CDH12: variants seen among roughly 807,000 people sequenced by gnomAD.
CDH12 encodes cadherin-12.
CDH12 carries 41 observed loss-of-function variants against 74.1 expected under a neutral mutation model. The ratio of observed to expected loss-of-function variants is 0.55; its 90% CI spans 0.43 to 0.72. The LOEUF (loss-of-function observed/expected upper bound fraction) is 0.72, where lower values mean the gene tolerates loss of function less well. Among genes scored for constraint, CDH12 ranks in the 30% least tolerant of loss-of-function variants. CDH12 has a pLI of 0.00. For synonymous variants in CDH12, 399 were observed against 355.0 expected (o/e 1.12, Z -1.39); for missense variants, 945 against 977.2 (o/e 0.97, Z 0.44).
chr5:22,505,584 T>C (rs1313124731), intron 1 of CDH12, among the ~76,000 whole-genome samples: 1 of 152,110 alleles, frequency 6.6e-6, no homozygotes. Context: ...CTGCTTTTGA[T>C]ACATTGTGAT....
At chr5:21,766,810 C>T (rs1375739852) in intron 11 of CDH12, among the ~76,000 whole-genome samples, 2 of 151,866 alleles carry the variant, frequency 1.3e-5, no homozygotes, top group East Asian at 1.9e-4. Context: ...ATATTCAAAG[C>T]CACATTACAA....
chr5:22,760,073 T>TA (rs1321673178), intron 1 of CDH12, among the ~76,000 whole-genome samples: 1 of 152,216 alleles, frequency 6.6e-6, no homozygotes, highest in East Asian at 1.9e-4. Flanking sequence ...TTTGATTAAA[T>TA]ATCTGGGATG....
intron 4 of CDH12, among the ~76,000 whole-genome samples, chr5:22,126,226 AG>A (rs1745859497): frequency 6.6e-6 from 1 of 152,194 alleles, no homozygotes; most frequent in African/African-American, 2.4e-5. Context: ...TGAAGCACTT[AG>A]GGAAATGTGT....
chr5:22,283,205 GATATATATATAGATATATATAT>G (rs200415076), intron 3 of CDH12, among the ~76,000 whole-genome samples: 6,920 of 107,886 alleles, frequency 0.064, 521 homozygotes, highest in African/African-American at 0.19. Flanking sequence ...ACATCTGTGA[GATATATATATAGATATATATAT>G]ATATATATAT....
chr5:22,076,575 C>T (rs1257868149), intron 5 of CDH12, among the ~76,000 whole-genome samples: 1 of 152,090 alleles, frequency 6.6e-6, no homozygotes, highest in Non-Finnish European at 1.5e-5. Context: ...GTTCCCCTTC[C>T]ATTTGTCTTG....
intron 1 of CDH12, among the ~76,000 whole-genome samples, chr5:22,712,913 C>G (rs2126976734): frequency 6.6e-6 from 1 of 152,140 alleles, no homozygotes; most frequent in Admixed American, 6.5e-5. Flanking sequence ...TTTGACACCT[C>G]CTATACAAGT....
chr5:22,303,085 C>T (rs1049045571), intron 3 of CDH12, among the ~76,000 whole-genome samples: 1 of 152,028 alleles, frequency 6.6e-6, no homozygotes, highest in African/African-American at 2.4e-5. Flanking sequence ...TTTTAAGAAA[C>T]AGCATTTTAA....
intron 1 of CDH12, among the ~76,000 whole-genome samples, chr5:22,748,961 C>T (rs1745424391): frequency 6.6e-6 from 1 of 152,036 alleles, no homozygotes; most frequent in South Asian, 2.1e-4. Context: ...GGCTGGGAGA[C>T]AAAGAAGTAT....
chr5:22,613,692 C>T (rs895301028), intron 1 of CDH12, among the ~76,000 whole-genome samples: 1 of 151,988 alleles, frequency 6.6e-6, no homozygotes, highest in African/African-American at 2.4e-5. Flanking sequence ...ACATACACGG[C>T]AAAATAAAAT....
chr5:21,915,926 G>A (rs1754071755), intron 6 of CDH12, among the ~76,000 whole-genome samples: 1 of 135,386 alleles, frequency 7.4e-6, no homozygotes, highest in Non-Finnish European at 1.6e-5. Flanking sequence ...AGACCTAGAG[G>A]GAGGGGTAGA....
At chr5:22,273,556 C>G (rs1465204354) in intron 3 of CDH12, among the ~76,000 whole-genome samples, 1 of 152,140 alleles carries the variant, frequency 6.6e-6, no homozygotes, top group East Asian at 1.9e-4. Context: ...AAGCTAATAA[C>G]AATGATATAG....
intron 4 of CDH12, among the ~76,000 whole-genome samples, chr5:22,136,351 C>A (rs1237566137): frequency 6.6e-6 from 1 of 151,940 alleles, no homozygotes; most frequent in Non-Finnish European, 1.5e-5. Flanking sequence ...AAAAACACAA[C>A]TCTCAATTTT....
At chr5:22,164,165 G>A (rs188330490) in intron 4 of CDH12, among the ~76,000 whole-genome samples, 9 of 152,186 alleles carry the variant, frequency 5.9e-5, no homozygotes, top group East Asian at 3.9e-4. Flanking sequence ...CCAAAATGGC[G>A]GCGGGCCACT....
At chr5:21,923,228 ATCAAAT>A (rs1474994308) in intron 6 of CDH12, among the ~76,000 whole-genome samples, 2 of 152,172 alleles carry the variant, frequency 1.3e-5, no homozygotes, top group Admixed American at 6.5e-5. Context: ...ATTCCAAGTA[ATCAAAT>A]TCAAATTTCT....
rs563379495 is a variant in CDH12, at chr5:22,521,942, A to G, written c.-522-16578T>C. Among the ~76,000 whole-genome samples, 6 of 152,228 alleles carry G rather than the reference A, an allele frequency of 3.9e-5. No homozygotes were observed. The East Asian group carries it at 1.2e-3, about 29-fold the overall frequency. ...CACCACAGTTCTCAACCAAATTAGC[A>G]AAAAGTTGTTGAAAAGAACTTAATA... On this transcript the variant is annotated intron_variant, in intron 1 of 14. Transcript: ENST00000382254.
intron 4 of CDH12, among the ~76,000 whole-genome samples, chr5:22,117,523 A>ATATATAAT (rs1347655379): frequency 2.9e-4 from 19 of 65,566 alleles, no homozygotes; most frequent in African/African-American, 1.1e-3. Flanking sequence ...ATATATATAT[A>ATATATAAT]ATATATATAT....
chr5:22,361,735 T>C (rs1000182643), intron 3 of CDH12, among the ~76,000 whole-genome samples: 1 of 152,036 alleles, frequency 6.6e-6, no homozygotes, highest in Non-Finnish European at 1.5e-5. Flanking sequence ...AACAGAGATA[T>C]AGACCAATGG....
chr5:22,160,034 A>C (rs1041737981), intron 4 of CDH12, among the ~76,000 whole-genome samples: 1 of 152,174 alleles, frequency 6.6e-6, no homozygotes, highest in African/African-American at 2.4e-5. Context: ...GCCAATGAAA[A>C]TTAGAAAAAC....
chr5:22,230,300 C>T (rs1173841416), intron 3 of CDH12, among the ~76,000 whole-genome samples: 1 of 151,966 alleles, frequency 6.6e-6, no homozygotes, highest in East Asian at 1.9e-4. Flanking sequence ...GACTACTTTC[C>T]AGTACCACAC....
Sources: allele counts gnomAD v4.1 joint callset (sites outside exome capture counted in the v4.1 genomes callset), GRCh38; gene constraint gnomAD v4.1.1; transcripts MANE v1.5; gene names NCBI Gene and HGNC (gene_info 2026-07-23, HGNC 2026-07-21).